DACH2: variants seen among roughly 807,000 people sequenced by gnomAD.
DACH2 encodes dachshund family transcription factor 2.
DACH2 carries 17 observed loss-of-function variants against 35.8 expected under a neutral mutation model. The ratio of observed to expected loss-of-function variants is 0.48; its 90% CI spans 0.33 to 0.71. DACH2 has a LOEUF of 0.71. Ranked by LOEUF, DACH2 falls within the 30% of genes least tolerant of loss-of-function variation. The pLI is 0.02. For synonymous variants in DACH2, 195 were observed against 177.3 expected, an observed-to-expected ratio of 1.10 and a Z score of -0.79; for missense variants, 469 against 472.7, an observed-to-expected ratio of 0.99 and a Z score of 0.07.
chrX:86,626,007 C>A (rs1945926963), intron 3 of DACH2, among the ~76,000 whole-genome samples: 1 of 111,630 alleles, frequency 9.0e-6, no homozygotes, highest in African/African-American at 3.3e-5. Context: ...AACAGTCCCC[C>A]AAAGTCTTGA....
At chrX:86,337,731 A>G (rs1230805612) in intron 1 of DACH2, among the ~76,000 whole-genome samples, 1 of 112,053 alleles carries the variant, frequency 8.9e-6, no homozygotes, top group East Asian at 2.8e-4. Flanking sequence ...TTAAATGTAA[A>G]TGGGCTAAAT....
At chrX:86,652,778 C>T (rs775961399) in intron 4 of DACH2, among the ~76,000 whole-genome samples, 2 of 111,947 alleles carry the variant, frequency 1.8e-5, no homozygotes, top group South Asian at 3.7e-4. Flanking sequence ...ACTTTGCCCA[C>T]ATTTGAACAG....
At chrX:86,622,834 A>G (rs993879888) in intron 3 of DACH2, among the ~76,000 whole-genome samples, 1 of 111,498 alleles carries the variant, frequency 9.0e-6, no homozygotes, top group African/African-American at 3.3e-5. Context: ...ACTATAGGGA[A>G]ATTTTCATGA....
At chrX:86,452,256 A>G (rs1182758340) in intron 2 of DACH2, among the ~76,000 whole-genome samples, 2 of 111,738 alleles carry the variant, frequency 1.8e-5, no homozygotes, top group Non-Finnish European at 3.8e-5. Context: ...TTTTGCATCA[A>G]TGTTCATCAA....
At chrX:86,617,531 T>C (rs2040020935) in intron 3 of DACH2, among the ~76,000 whole-genome samples, 1 of 111,838 alleles carries the variant, frequency 8.9e-6, no homozygotes, top group South Asian at 3.7e-4. Flanking sequence ...ATTCTTTTTA[T>C]GTAACTGGTT....
intron 1 of DACH2, among the ~76,000 whole-genome samples, chrX:86,340,071 A>T (rs1213976243): frequency 8.9e-6 from 1 of 112,254 alleles, no homozygotes; most frequent in Non-Finnish European, 1.9e-5. Flanking sequence ...CAATTAAGAA[A>T]TATCAATAAA....
chrX:86,713,759 C>T (rs189171459), intron 5 of DACH2, among the ~76,000 whole-genome samples: 4 of 111,475 alleles, frequency 3.6e-5, no homozygotes, highest in Non-Finnish European at 3.8e-5. Flanking sequence ...AAGTAGACAA[C>T]GATTTTAATG....
chrX:86,461,757 A>G (rs1346886554), intron 2 of DACH2, among the ~76,000 whole-genome samples: 2 of 111,661 alleles, frequency 1.8e-5, no homozygotes, highest in Non-Finnish European at 3.8e-5. Context: ...GGTTCTGTGA[A>G]AGCAAAAAAC....
At chrX:86,350,025 G>A (rs904851931) in intron 1 of DACH2, among the ~76,000 whole-genome samples, 11 of 110,789 alleles carry the variant, frequency 9.9e-5, no homozygotes, top group Non-Finnish European at 1.7e-4. Flanking sequence ...AAAATTAGCC[G>A]TGCCTGATGG....
intron 2 of DACH2, among the ~76,000 whole-genome samples, chrX:86,428,410 GT>G (rs2036928736): frequency 8.9e-6 from 1 of 111,862 alleles, no homozygotes; most frequent in Admixed American, 9.5e-5. Context: ...GAATACAGGT[GT>G]TAAAGTGCTG....
At chrX:86,454,836 T>C (rs2037445764) in intron 2 of DACH2, among the ~76,000 whole-genome samples, 1 of 112,312 alleles carries the variant, frequency 8.9e-6, no homozygotes, top group Non-Finnish European at 1.9e-5. Context: ...TACAGTCATT[T>C]GAAGGAGAAG....
chrX:86,304,738 A>G, intron 1 of DACH2: 1 of 166,781 alleles, frequency 6.0e-6, no homozygotes. Context: ...AGAGAAAGTC[A>G]GATGGGGTGG....
At chrX:86,538,868 G>C (rs1396935768) in intron 3 of DACH2, among the ~76,000 whole-genome samples, 3 of 111,336 alleles carry the variant, frequency 2.7e-5, no homozygotes, top group Non-Finnish European at 3.8e-5. Context: ...TTTTATTTAA[G>C]TATCTCTGTA....
intron 3 of DACH2, among the ~76,000 whole-genome samples, chrX:86,611,023 T>A (rs1024672381): frequency 1.8e-5 from 2 of 110,660 alleles, no homozygotes; most frequent in African/African-American, 6.6e-5. Context: ...ATATGTTGGG[T>A]CTCACCTGAA....
intron 7 of DACH2, among the ~76,000 whole-genome samples, chrX:86,777,425 A>G (rs1339539320): frequency 2.7e-5 from 3 of 111,235 alleles, no homozygotes; most frequent in Non-Finnish European, 5.7e-5. Flanking sequence ...GAAGAGGGTT[A>G]TCAGTGGTTT....
intron 3 of DACH2, among the ~76,000 whole-genome samples, chrX:86,607,102 G>C (rs2039868982): frequency 9.0e-6 from 1 of 111,339 alleles, no homozygotes; most frequent in African/African-American, 3.3e-5. Flanking sequence ...GTTTCTTGTA[G>C]GCAGCAGATC....
chrX:86,461,382 C>A (rs2037569847), intron 2 of DACH2, among the ~76,000 whole-genome samples: 1 of 111,195 alleles, frequency 9.0e-6, no homozygotes, highest in African/African-American at 3.3e-5. Context: ...AACCTTATAT[C>A]CACAGACTGT....
chrX:86,346,590 G>C (rs909322459), intron 1 of DACH2, among the ~76,000 whole-genome samples: 2 of 111,627 alleles, frequency 1.8e-5, no homozygotes, highest in South Asian at 3.7e-4. Context: ...GTGCATGCAT[G>C]CTATCTGTAT....
At chrX:86,629,610 C>T (rs369562190) in intron 3 of DACH2, among the ~76,000 whole-genome samples, 7 of 110,457 alleles carry the variant, frequency 6.3e-5, no homozygotes, top group South Asian at 3.9e-4. Context: ...GGGCTGGGTT[C>T]GGTGGCTCAT....
Sources: allele counts gnomAD v4.1 joint callset (sites outside exome capture counted in the v4.1 genomes callset), GRCh38; gene constraint gnomAD v4.1.1; transcripts MANE v1.5; gene names NCBI Gene and HGNC (gene_info 2026-07-23, HGNC 2026-07-21).